The following PTPRD variants were observed in gnomAD, a reference collection of about 807,000 sequenced individuals.
The protein encoded by PTPRD is receptor-type tyrosine-protein phosphatase delta.
Under a neutral mutation model 214.5 loss-of-function variants are expected in PTPRD, and 34 were observed. That is an observed-to-expected ratio of 0.16 (90% CI 0.12 to 0.21). The LOEUF (loss-of-function observed/expected upper bound fraction) is 0.21. Among genes scored for constraint, PTPRD ranks in the 10% least tolerant of loss-of-function variants. The pLI is 1.00. For missense variants in PTPRD, 2,545 were observed against 2,398.7 expected (o/e 1.06, Z -1.27); for synonymous variants, 1,128 against 845.7 (o/e 1.33, Z -5.79).
At chr9:10,489,771 T>G (rs1273850591) in intron 2 of PTPRD, among the ~76,000 whole-genome samples, 1 of 152,148 alleles carries the variant, frequency 6.6e-6, no homozygotes, top group Admixed American at 6.5e-5. Context: ...TTTTGTTTTC[T>G]GTTATGATAG....
rs1272783271 is a variant in PTPRD, at chr9:10,563,123, T to G, written c.-600+49275A>C. ...TAATTCCCCACTTGTCATGGAAAAT[T>G]GCTCTGAATACCAGAAACATGCTAG... On this transcript the variant is annotated intron_variant, in intron 2 of 45. Transcript: ENST00000381196. Among the ~76,000 whole-genome samples the G allele has an allele frequency of 7.9e-5, 12 of 152,168 alleles. No homozygotes were observed. In the East Asian group the frequency reaches 2.3e-3, roughly 29 times the overall value.
In PTPRD at chr9:8,934,508, T is replaced by TTTATATATATAA. The variant is rs1567101649; in HGVS notation, c.-104+84188_-104+84189insTTATATATATAA. Among the ~76,000 whole-genome samples the TTTATATATATAA allele has an allele frequency of 3.8e-3, 218 of 56,766 alleles. 21 individuals are homozygous for TTTATATATATAA. The East Asian group carries it at 0.057, about 15-fold the overall frequency. 37.2% of individuals were successfully genotyped at this position (56,766 alleles called of 152,430 possible). On this transcript the variant is annotated intron_variant, in intron 11 of 45. Coordinates refer to ENST00000381196, the MANE Select transcript of PTPRD (RefSeq NM_002839.4). ...ATATATATATAAATATATATATAAA[T>TTTATATATATAA]ATATATATATAAATATATATATATA... is the stretch of plus-strand genomic sequence containing the variant.
rs1180202284 is a variant in PTPRD, at chr9:8,934,470, T to A, written c.-104+84227A>T. ...ATAAATTTATATATATATAAATATA[T>A]ATATATAAATATATATATATATAAA... On this transcript the variant is annotated intron_variant, in intron 11 of 45. Transcript: ENST00000381196. 8.0e-3 allele frequency among the ~76,000 whole-genome samples: 117 copies of A among 14,712 alleles called. 4 individuals carry two copies. The highest frequency in any genetic ancestry group is 0.014 in the African/African-American group (51 of 3,652). The allele number at this position is 14,712 out of a possible 152,430, so 9.7% of individuals were successfully genotyped here. A position where few individuals can be genotyped will look rare whatever the true frequency, so the allele number is the denominator to read the frequency against.
intron 3 of PTPRD, among the ~76,000 whole-genome samples, chr9:10,042,637 G>A (rs2097317074): frequency 1.3e-5 from 2 of 151,898 alleles, no homozygotes; most frequent in African/African-American, 4.8e-5. Flanking sequence ...GATGCTGATT[G>A]TGGAAGGTAA....
At chr9:9,633,017 A>T (rs1269264090) in intron 7 of PTPRD, among the ~76,000 whole-genome samples, 1 of 152,128 alleles carries the variant, frequency 6.6e-6, no homozygotes, top group Non-Finnish European at 1.5e-5. Context: ...GTAGCTGGCT[A>T]GGCATGGTGG....
intron 11 of PTPRD, among the ~76,000 whole-genome samples, chr9:8,761,872 G>C (rs571601024): frequency 3.9e-5 from 6 of 152,280 alleles, no homozygotes; most frequent in African/African-American, 1.4e-4. Context: ...TATTTGCAAA[G>C]TGGCCTACAT....
chr9:9,982,356 C>T (rs1349112028), intron 4 of PTPRD, among the ~76,000 whole-genome samples: 2 of 151,974 alleles, frequency 1.3e-5, no homozygotes, highest in African/African-American at 4.8e-5. Context: ...TTTTAGGGCA[C>T]AATTATTTAT....
intron 8 of PTPRD, among the ~76,000 whole-genome samples, chr9:9,497,572 T>C (rs2096247101): frequency 6.6e-6 from 1 of 152,284 alleles, no homozygotes; most frequent in African/African-American, 2.4e-5. Context: ...CGAACAAATA[T>C]TTTTATTTGG....
chr9:8,726,018 G>C (rs1281624941), intron 12 of PTPRD, among the ~76,000 whole-genome samples: 1 of 133,078 alleles, frequency 7.5e-6, no homozygotes, highest in Non-Finnish European at 1.5e-5. Flanking sequence ...CAGACAGACA[G>C]ACAGACAGAC....
chr9:10,065,180 A>AAAGAAAGAAAGAAAGAAAGAAAGAAAGG (rs147434150), intron 3 of PTPRD, among the ~76,000 whole-genome samples: 1,624 of 150,284 alleles, frequency 0.011, 20 homozygotes, highest in Middle Eastern at 0.017. Flanking sequence ...AGAAAGAAAG[A>AAAGAAAGAAAGAAAGAAAGAAAGAAAGG]AAGAAAGAAA....
At chr9:10,331,995 A>G (rs1486059614) in intron 3 of PTPRD, among the ~76,000 whole-genome samples, 2 of 151,860 alleles carry the variant, frequency 1.3e-5, no homozygotes, top group East Asian at 3.9e-4. Context: ...TGAGTAGTTA[A>G]TCACACACTA....
At chr9:9,727,537 T>G (rs752341494) in intron 7 of PTPRD, among the ~76,000 whole-genome samples, 1 of 152,146 alleles carries the variant, frequency 6.6e-6, no homozygotes, top group Non-Finnish European at 1.5e-5. Flanking sequence ...AAGTAGATAG[T>G]TTAACTTCCC....
intron 11 of PTPRD, among the ~76,000 whole-genome samples, chr9:8,919,773 A>C (rs2098812422): frequency 6.6e-6 from 1 of 150,852 alleles, no homozygotes; most frequent in Non-Finnish European, 1.5e-5. Context: ...ATCCATGTAT[A>C]TGCACATCTA....
intron 6 of PTPRD, among the ~76,000 whole-genome samples, chr9:9,744,979 T>A (rs2098442893): frequency 6.6e-6 from 1 of 152,102 alleles, no homozygotes; most frequent in African/African-American, 2.4e-5. Context: ...TTGAATCTCA[T>A]TTCCATAATC....
chr9:10,316,168 T>TATATATATAC (rs2096421201), intron 3 of PTPRD, among the ~76,000 whole-genome samples: 2 of 134,434 alleles, frequency 1.5e-5, no homozygotes, highest in Admixed American at 1.8e-4. Flanking sequence ...TATATCTATG[T>TATATATATAC]ATATATACAT....
intron 43 of PTPRD, among the ~76,000 whole-genome samples, chr9:8,333,701 C>G (rs568327795): frequency 3.3e-5 from 5 of 152,188 alleles, no homozygotes; most frequent in South Asian, 4.2e-4. Flanking sequence ...TTGCATATAA[C>G]AATATTAACC....
intron 5 of PTPRD, among the ~76,000 whole-genome samples, chr9:9,917,702 T>C (rs1449326359): frequency 6.6e-6 from 1 of 151,870 alleles, no homozygotes; most frequent in Non-Finnish European, 1.5e-5. Flanking sequence ...AACAAAATAC[T>C]AACAAACCAA....
intron 8 of PTPRD, among the ~76,000 whole-genome samples, chr9:9,422,453 G>T (rs1170639737): frequency 1.3e-5 from 2 of 152,118 alleles, no homozygotes; most frequent in Non-Finnish European, 2.9e-5. Context: ...AATACACACA[G>T]ACAAAGAAGC....
intron 9 of PTPRD, among the ~76,000 whole-genome samples, chr9:9,284,375 C>A (rs942834085): frequency 5.3e-5 from 8 of 151,628 alleles, no homozygotes; most frequent in African/African-American, 1.9e-4. Context: ...AGACTCCTGC[C>A]ATGGTTGTAA....
Sources: allele counts gnomAD v4.1 joint callset (sites outside exome capture counted in the v4.1 genomes callset), GRCh38; gene constraint gnomAD v4.1.1; transcripts MANE v1.5; gene names NCBI Gene and HGNC (gene_info 2026-07-23, HGNC 2026-07-21).